The following KCNJ5 variants were observed in gnomAD, a reference collection of about 807,000 sequenced individuals.
KCNJ5 encodes potassium inwardly rectifying channel subfamily J member 5, also known as G protein-activated inward rectifier potassium channel 4.
In KCNJ5, 12 loss-of-function variants were observed where a neutral mutation model predicts 20.2. The observed-to-expected ratio is 0.59, with a 90% CI of 0.38 to 0.96. The LOEUF is 0.96. Among genes scored for constraint, KCNJ5 ranks in the 40% least tolerant of loss-of-function variants. The pLI is 0.00. For synonymous variants in KCNJ5, 210 were observed against 213.9 expected (o/e 0.98, Z 0.16); for missense variants, 449 against 557.6 (o/e 0.81, Z 1.96).
intron 1 of KCNJ5, among the ~76,000 whole-genome samples, chr11:128,893,702 G>A (rs199835135): frequency 1.3e-5 from 2 of 151,320 alleles, no homozygotes; most frequent in Non-Finnish European, 2.9e-5. Context: ...AAGGGTGAGG[G>A]GGGGGGTCAA....
At chr11:128,916,312 A>AGATG (rs1335182760) in intron 2 of KCNJ5, 97 bp from the exon 3 acceptor site, 21 of 881,178 alleles carry the variant, frequency 2.4e-5, no homozygotes, top group African/African-American at 1.3e-4. Context: ...ATGGATGGAT[A>AGATG]GATGGATGGA....
rs529492893 is a variant in KCNJ5 at position 128,898,624 on chromosome 11, C to G, written c.-11+6903C>G. ...ACTTCACTTTGTCTTTCCTTTTTGT[C>G]CTTTGCTTTTTTAAATCCTTCTTTC... On this transcript the variant is annotated intron_variant, in intron 1 of 2. Transcript: ENST00000529694. Among the ~76,000 whole-genome samples, 23 of 152,304 alleles carry G rather than the reference C, an allele frequency of 1.5e-4. No homozygotes were observed. The South Asian group carries it at 4.6e-3, about 30-fold the overall frequency.
At chr11:128,905,285 G>A (rs895496492) in intron 1 of KCNJ5, among the ~76,000 whole-genome samples, 2 of 151,724 alleles carry the variant, frequency 1.3e-5, no homozygotes, top group African/African-American at 2.4e-5. Flanking sequence ...GCATCCCCCA[G>A]CCCCGCCTCC....
At chr11:128,893,412 A>T (rs1339763788) in intron 1 of KCNJ5, among the ~76,000 whole-genome samples, 1 of 152,150 alleles carries the variant, frequency 6.6e-6, no homozygotes, top group Admixed American at 6.5e-5. Flanking sequence ...AACTGGGGCA[A>T]CATAGCAAGA....
At chr11:128,905,058 G>T (rs560332961) in intron 1 of KCNJ5, among the ~76,000 whole-genome samples, 1 of 152,244 alleles carries the variant, frequency 6.6e-6, no homozygotes, top group African/African-American at 2.4e-5. Context: ...GAAAAGCTGG[G>T]AAACCAGGAC....
chr11:128,919,696 C>T lies in KCNJ5; in HGVS notation c.*2965C>T, dbSNP rs2258384. On this transcript the variant is annotated 3_prime_UTR_variant, in exon 3 of 3. Coordinates refer to ENST00000529694, the MANE Select transcript of KCNJ5 (RefSeq NM_000890.5). ...ATTTATTTATGTAGAGACAGGGTCT[C>T]GCTCTGTCGCCCAGGCTGGAGTGCA... is the stretch of plus-strand genomic sequence containing the variant. 22,950 of 152,254 alleles carry T rather than the reference C, an allele frequency of 0.15. 2,053 individuals carry two copies. Among genetic ancestry groups the T allele is most frequent in the Middle Eastern group, 0.21 (62 of 296 alleles). 9.4% of individuals were successfully genotyped at this position (152,254 alleles called of 1,614,324 possible). A position where few individuals can be genotyped will look rare whatever the true frequency, so the allele number is the denominator to read the frequency against.
chr11:128,911,596 G>C lies in KCNJ5; in HGVS notation c.323G>C (p.Trp108Ser), dbSNP rs1313979285. The C allele has an allele frequency of 1.2e-6, 2 of 1,614,076 alleles. No individual in the cohort carries two copies. The highest frequency in any genetic ancestry group is 1.7e-6 in the Non-Finnish European group (2 of 1,180,040). Residue 108 changes from tryptophan (W) to serine (S), a missense_variant, in exon 2 of 3, where the codon TGG (tryptophan) becomes TCG (serine). By Grantham distance (177) the Trp-to-Ser change is radical. This residue lies in a region of KCNJ5 where 203 missense variants were observed against 258.0 expected (regional missense o/e 0.79). Transcript: ENST00000529694. This position sits in a 1 kb window ranked among gnomAD's most constrained non-coding sequence, Gnocchi z 6.3. ...ACCTGGCTGTTCTTCGGCTTCATTT[G>C]GTGGCTCATTGCTTATATCCGGGGT... ...TVTWLFFGFI[W>S]WLIAYIRGDL...
chr11:128,911,202 C>T lies in KCNJ5; in HGVS notation c.-10-62C>T. ...GAGCCCCGGGGTGGGGGTGGCCTTCCATCTTGTGTTCTAGTGAATCAGAAC... is the reference window on the plus strand; with the variant it reads ...GAGCCCCGGGGTGGGGGTGGCCTTCTATCTTGTGTTCTAGTGAATCAGAAC... On this transcript the variant is annotated intron_variant, in intron 1 of 2. Transcript: ENST00000529694. This position sits in a 1 kb window ranked among gnomAD's most constrained non-coding sequence, Gnocchi z 6.3. 3 of 1,399,602 alleles carry T rather than the reference C, an allele frequency of 2.1e-6. No individual in the cohort carries two copies. Among genetic ancestry groups the T allele is most frequent in the Non-Finnish European group, 3.0e-6 (3 of 989,260 alleles). 86.7% of individuals were successfully genotyped at this position (1,399,602 alleles called of 1,614,324 possible).
At chr11:128,901,595 T>G (rs955322105) in intron 1 of KCNJ5, 2 of 152,394 alleles carry the variant, frequency 1.3e-5, no homozygotes, top group Middle Eastern at 3.4e-3. Context: ...CGAGGGACAC[T>G]GAGTGACTCT....
intron 1 of KCNJ5, chr11:128,904,690 C>T: frequency 1.6e-6 from 1 of 619,054 alleles, no homozygotes; most frequent in Non-Finnish European, 2.9e-6. Flanking sequence ...AAGTGTGAGT[C>T]GACCTCCTTC....
intron 1 of KCNJ5, chr11:128,904,365 T>TA: frequency 6.2e-7 from 1 of 1,601,286 alleles, no homozygotes; most frequent in South Asian, 1.1e-5. Flanking sequence ...TTTGCCTGTG[T>TA]ACTCCCCACC....
chr11:128,902,304 C>T (rs943972466), intron 1 of KCNJ5: 3 of 562,240 alleles, frequency 5.3e-6, no homozygotes, highest in African/African-American at 3.8e-5. Flanking sequence ...CCTGTCCCTC[C>T]AGCCCTCCTC....
chr11:128,905,140 GCCCTTCCTC>G (rs1228178149), intron 1 of KCNJ5, among the ~76,000 whole-genome samples: 1 of 152,220 alleles, frequency 6.6e-6, no homozygotes, highest in Non-Finnish European at 1.5e-5. Context: ...CCGCTGGCCC[GCCCTTCCTC>G]CAGGAAGAGA....
rs755842961 is a variant in KCNJ5 at position 128,911,544 on chromosome 11, C to T, written c.271C>T (p.Leu91Phe). The T allele has an allele frequency of 6.2e-7, 1 of 1,614,246 alleles. No homozygotes were observed. Among genetic ancestry groups the T allele is most frequent in the Admixed American group, 1.7e-5 (1 of 60,034 alleles). ...LVDLKWRFNL[L>F]VFTMVYTVTW... ...GGACCTCAAGTGGCGCTTCAACTTG[C>T]TCGTCTTCACCATGGTTTACACTGT... Residue 91 changes from leucine (L) to phenylalanine (F), a missense_variant, in exon 2 of 3, where the codon CTC becomes TTC. Leu to Phe is a conservative substitution (Grantham distance 22, BLOSUM62 0). Coordinates refer to ENST00000529694, the MANE Select transcript of KCNJ5 (RefSeq NM_000890.5). The surrounding 1 kb of genome is among the most constrained non-coding windows in gnomAD (Gnocchi z 6.3).
chr11:128,912,029 G>C lies in KCNJ5; in HGVS notation c.756G>C (p.Leu252=). 2.5e-6 allele frequency: 4 copies of C among 1,613,558 alleles called. No homozygotes were observed. Among genetic ancestry groups the C allele is most frequent in the Non-Finnish European group, 3.4e-6 (4 of 1,179,530 alleles). Residue 252 remains leucine (L), a synonymous_variant, in exon 2 of 3, where the codon CTG becomes CTC. Coordinates refer to ENST00000529694, the MANE Select transcript of KCNJ5 (RefSeq NM_000890.5). ...RQTKEGEFIP[L]NQTDINVGFD... Reference sequence around the variant, plus strand: ...CCAAAGAGGGGGAGTTCATCCCCCTGAACCAGACAGACATCAACGTGGGCT... The same window carrying C: ...CCAAAGAGGGGGAGTTCATCCCCCTCAACCAGACAGACATCAACGTGGGCT...
Position 128,919,134 on chromosome 11 carries a change from GC to G in KCNJ5, c.*2408del. On this transcript the variant is annotated 3_prime_UTR_variant, in exon 3 of 3. Transcript: ENST00000529694. ...CTAAGCCTGTCTTAGGACCGTCAGT[GC>G]CCCCAGGTTAGAGCTCATGGGGGTC... 6.6e-6 allele frequency: 1 copy of G among 152,466 alleles called. No homozygotes were observed. Among genetic ancestry groups the G allele is most frequent in the Non-Finnish European group, 1.5e-5 (1 of 68,136 alleles). 9.4% of individuals were successfully genotyped at this position (152,466 alleles called of 1,614,324 possible). A position where few individuals can be genotyped will look rare whatever the true frequency, so the allele number is the denominator to read the frequency against.
chr11:128,897,928 T>A (rs1245304848), intron 1 of KCNJ5, among the ~76,000 whole-genome samples: 1 of 152,230 alleles, frequency 6.6e-6, no homozygotes, highest in Admixed American at 6.5e-5. Context: ...GAATTCCTTT[T>A]GCACTTTTGT....
intron 1 of KCNJ5, among the ~76,000 whole-genome samples, chr11:128,910,179 T>C (rs536582247): frequency 3.3e-5 from 5 of 152,338 alleles, no homozygotes; most frequent in Middle Eastern, 3.4e-3. Context: ...AAGAGGTCTT[T>C]CCCAACTGAA....
chr11:128,917,313 T>C lies in KCNJ5; in HGVS notation c.*582T>C, dbSNP rs1456424248. 1 of 153,340 alleles carries C rather than the reference T, an allele frequency of 6.5e-6. No homozygotes were observed. The highest frequency in any genetic ancestry group is 1.4e-5 in the Non-Finnish European group (1 of 68,974). 9.5% of individuals were successfully genotyped at this position (153,340 alleles called of 1,614,324 possible). A position where few individuals can be genotyped will look rare whatever the true frequency, so the allele number is the denominator to read the frequency against. On this transcript the variant is annotated 3_prime_UTR_variant, in exon 3 of 3. Coordinates refer to ENST00000529694, the MANE Select transcript of KCNJ5 (RefSeq NM_000890.5). ...GTACAGCCCTTGGTGTTCTCTGCTG[T>C]TATCTGCCAAATGTGTGTGTTTTTC...
Sources: allele counts gnomAD v4.1 joint callset (sites outside exome capture counted in the v4.1 genomes callset), GRCh38; gene constraint gnomAD v4.1.1; regional missense constraint gnomAD v4.1.1; non-coding constraint Gnocchi (gnomAD v3.1); transcripts MANE v1.5; gene names NCBI Gene and HGNC (gene_info 2026-07-23, HGNC 2026-07-21).